The following PRPF3 variants were observed in gnomAD, a reference collection of about 807,000 sequenced individuals.
The protein encoded by PRPF3 is pre-mRNA processing factor 3.
PRPF3 carries 3 observed loss-of-function variants against 89.2 expected under a neutral mutation model. The observed-to-expected ratio is 0.03, with a 90% confidence interval of 0.02 to 0.09. The LOEUF (loss-of-function observed/expected upper bound fraction) is 0.09, where lower values mean the gene tolerates loss of function less well. PRPF3 is among the 10% of genes least tolerant of loss of function. The pLI, the probability that PRPF3 is intolerant of heterozygous loss-of-function variation, is 1.00. For synonymous variants in PRPF3, 270 were observed against 289.1 expected (o/e 0.93, Z 0.67); for missense variants, 463 against 828.8 (o/e 0.56, Z 5.42).
chr1:150,331,357 A>C (rs150653184), intron 4 of PRPF3, among the ~76,000 whole-genome samples: 2 of 141,558 alleles, frequency 1.4e-5, no homozygotes, highest in East Asian at 2.2e-4. Flanking sequence ...TAATTTTTTT[A>C]TTTTCTTTCT....
chr1:150,335,935 AT>A (rs782231864), intron 7 of PRPF3, among the ~76,000 whole-genome samples: 2 of 151,470 alleles, frequency 1.3e-5, no homozygotes, highest in South Asian at 4.2e-4. Context: ...TGCCTGACGA[AT>A]TTTTTGTATT....
At chr1:150,337,104 T>C (rs587722638) in intron 7 of PRPF3, among the ~76,000 whole-genome samples, 45 of 139,668 alleles carry the variant, frequency 3.2e-4, no homozygotes, top group Non-Finnish European at 6.3e-4. Flanking sequence ...AGTGGCACGA[T>C]CTCAGCTCAC....
chr1:150,323,382 G>A (rs920044108), intron 1 of PRPF3, among the ~76,000 whole-genome samples: 2 of 151,658 alleles, frequency 1.3e-5, no homozygotes, highest in Non-Finnish European at 2.9e-5. Flanking sequence ...AGTGGGTCAC[G>A]CCTGTAATCC....
At chr1:150,349,388 C>A (rs1658658781) in intron 15 of PRPF3, among the ~76,000 whole-genome samples, 170 bp downstream of exon 15, 1 of 152,162 alleles carries the variant, frequency 6.6e-6, no homozygotes, top group Non-Finnish European at 1.5e-5. Flanking sequence ...TCTTCCTGAT[C>A]ATCTGTTTAA....
At chr1:150,348,113 T>C (rs776951665) in intron 14 of PRPF3, among the ~76,000 whole-genome samples, 6 of 152,140 alleles carry the variant, frequency 3.9e-5, no homozygotes, top group South Asian at 2.1e-4. Context: ...CCTGGTGTGA[T>C]GGCTTATGCC....
intron 4 of PRPF3, among the ~76,000 whole-genome samples, chr1:150,329,152 C>T (rs1412167089): frequency 6.6e-6 from 1 of 151,558 alleles, no homozygotes. Flanking sequence ...GCCTAAGCCT[C>T]CGGAGTAGCT....
intron 3 of PRPF3, among the ~76,000 whole-genome samples, chr1:150,326,265 T>TAC (rs1655697270): frequency 6.6e-6 from 1 of 152,220 alleles, no homozygotes; most frequent in South Asian, 2.1e-4. Context: ...ACCTGAGCTG[T>TAC]ACACCTCATT....
At position 150,344,486 on chromosome 1, in the gene PRPF3, G is replaced by C; in HGVS notation, c.1579G>C (p.Val527Leu). Residue 527 changes from valine (V) to leucine (L), a missense_variant, in exon 12 of 16, where the codon GTC becomes CTC. This residue lies in a region of PRPF3 where 261 missense variants were observed against 475.8 expected (regional missense o/e 0.55). Coordinates refer to ENST00000324862, the MANE Select transcript of PRPF3 (RefSeq NM_004698.4). ...AAAACTCACAGCAGAACAGAGAAAG[G>C]TCAAGAAAATTAAAAAGCTTAAAGA... ...ARKLTAEQRK[V>L]KKIKKLKEDI... The C allele has an allele frequency of 6.2e-7, 1 of 1,614,188 alleles. No homozygotes were observed. The highest frequency in any genetic ancestry group is 2.2e-5 in the East Asian group (1 of 44,884).
rs1659108614 is a variant in PRPF3, at chr1:150,353,119, C to G, written c.*140C>G. ...AGACACTGGGACAAAGGGAGAATAT[C>G]TTGCTCCCCTCCTGAGTCAGCCTGG... On this transcript the variant is annotated 3_prime_UTR_variant, in exon 16 of 16. Transcript: ENST00000324862. 1 of 1,123,058 alleles carries G rather than the reference C, an allele frequency of 8.9e-7. No individual in the cohort carries two copies. The highest frequency in any genetic ancestry group is 1.3e-5 in the South Asian group (1 of 79,016). The allele number at this position is 1,123,058 out of a possible 1,614,324, so 69.6% of individuals were successfully genotyped here.
chr1:150,347,559 G>A (rs587672426), intron 14 of PRPF3, among the ~76,000 whole-genome samples: 16 of 152,064 alleles, frequency 1.1e-4, no homozygotes, highest in Non-Finnish European at 7.4e-5. Flanking sequence ...GTGAAACCCC[G>A]TCTCTACTGA....
At chr1:150,336,336 T>C (rs782120095) in intron 7 of PRPF3, among the ~76,000 whole-genome samples, 1 of 152,168 alleles carries the variant, frequency 6.6e-6, no homozygotes, top group African/African-American at 2.4e-5. Flanking sequence ...CAGGCCATAA[T>C]GCAGGTAATA....
Position 150,350,489 on chromosome 1 carries a change from C to T in PRPF3, c.1905+1271C>T, listed in dbSNP as rs1572291591. On this transcript the variant is annotated intron_variant, in intron 15 of 15. Transcript: ENST00000324862. ...CTGGGATTACAGGCATGAGTCACTG[C>T]GCCCGGCCATATATCTTCTATTTTT... Among the ~76,000 whole-genome samples the T allele has an allele frequency of 5.3e-5, 8 of 152,154 alleles. No homozygotes were observed. The East Asian group carries it at 1.2e-3, about 22-fold the overall frequency.
intron 14 of PRPF3, 110 bp downstream of exon 14, chr1:150,346,601 G>A: frequency 3.5e-6 from 4 of 1,158,582 alleles, no homozygotes; most frequent in Non-Finnish European, 5.1e-6. Context: ...ACACTAGATA[G>A]TGTTCAGGAA....
At chr1:150,332,216 T>C (rs1164622595) in intron 4 of PRPF3, among the ~76,000 whole-genome samples, 2 of 103,378 alleles carry the variant, frequency 1.9e-5, no homozygotes, top group African/African-American at 7.8e-5. Flanking sequence ...AGAGCGAGAC[T>C]CCATCTCAAA....
At chr1:150,327,005 C>T (rs2101949976) in intron 3 of PRPF3, among the ~76,000 whole-genome samples, 1 of 151,354 alleles carries the variant, frequency 6.6e-6, no homozygotes, top group East Asian at 1.9e-4. Context: ...AATGATTGAT[C>T]CACAGTATAC....
At chr1:150,328,878 G>T (rs1656014318) in intron 4 of PRPF3, among the ~76,000 whole-genome samples, 1 of 152,028 alleles carries the variant, frequency 6.6e-6, no homozygotes, top group South Asian at 2.1e-4. Flanking sequence ...TTTTAGTAGA[G>T]ACAGGGTTTC....
In PRPF3 at chr1:150,334,955, A is replaced by C; in HGVS notation, c.749A>C (p.Gln250Pro). 1 of 1,614,040 alleles carries C rather than the reference A, an allele frequency of 6.2e-7. No individual in the cohort carries two copies. Among genetic ancestry groups the C allele is most frequent in the Admixed American group, 1.7e-5 (1 of 59,980 alleles). ...TTCAGGAAGGTGGAGTTAAAAGACC[A>C]AACGAAACCTACACCACTGATCCTG... ...IAPPKVELKDQTKPTPLILDE... is the reference protein window; with the variant it reads ...IAPPKVELKDPTKPTPLILDE... Residue 250 changes from glutamine to proline, a missense_variant, in exon 7 of 16, where the codon CAA becomes CCA. Physicochemically the swap from Gln to Pro is moderately conservative, Grantham distance 76 (BLOSUM62 -1). Around this residue, in one of 8 missense-constraint regions of PRPF3, gnomAD observed 261 missense variants for 475.8 expected, o/e 0.55. Coordinates refer to ENST00000324862, the MANE Select transcript of PRPF3 (RefSeq NM_004698.4).
rs1553873583 is a variant in PRPF3 at position 150,348,459 on chromosome 1, C to CTTTTTTTTTTTTTTTTTT, written c.1844-698_1844-697insTTTTTTTTTTTTTTTTTT. Reference sequence around the variant, plus strand: ...TAAAAAATATTTTGTTCTACACGTGCATTTTTTTTTTTTTTTTTTTGAGAT... The same window carrying CTTTTTTTTTTTTTTTTTT: ...TAAAAAATATTTTGTTCTACACGTGCTTTTTTTTTTTTTTTTTTATTTTTTTTTTTTTTTTTTTGAGAT... On this transcript the variant is annotated intron_variant, in intron 14 of 15. Coordinates refer to ENST00000324862, the MANE Select transcript of PRPF3 (RefSeq NM_004698.4). 1.5e-3 allele frequency among the ~76,000 whole-genome samples: 53 copies of CTTTTTTTTTTTTTTTTTT among 34,800 alleles called. 4 individuals are homozygous for CTTTTTTTTTTTTTTTTTT. Among genetic ancestry groups the CTTTTTTTTTTTTTTTTTT allele is most frequent in the African/African-American group, 4.6e-3 (49 of 10,584 alleles). The allele number at this position is 34,800 out of a possible 152,430, so 22.8% of individuals were successfully genotyped here. A position where few individuals can be genotyped will look rare whatever the true frequency, so the allele number is the denominator to read the frequency against.
chr1:150,322,195 C>G (rs1655123738), intron 1 of PRPF3, among the ~76,000 whole-genome samples: 1 of 152,116 alleles, frequency 6.6e-6, no homozygotes, highest in African/African-American at 2.4e-5. Flanking sequence ...TACTTTCTAG[C>G]CTATCATTCA....
Sources: gnomAD v4.1 joint callset for allele counts (sites outside exome capture counted in the v4.1 genomes callset) on GRCh38, gnomAD v4.1.1 for gene constraint, gnomAD v4.1.1 regional missense constraint, MANE v1.5 for transcripts, NCBI Gene and HGNC (gene_info 2026-07-23, HGNC 2026-07-21) for gene names.